Variants in GPSM2 observed in about 807,000 individuals in gnomAD.
The protein encoded by GPSM2 is G protein signaling modulator 2.
A neutral mutation model predicts 78.4 loss-of-function variants in GPSM2; 58 were observed. That is an observed-to-expected ratio of 0.74 (90% confidence interval 0.60 to 0.92). The LOEUF is 0.92. Ranked by LOEUF, GPSM2 falls within the 40% of genes least tolerant of loss-of-function variation. The pLI is 0.00. For missense variants in GPSM2, 700 were observed against 815.5 expected, an observed-to-expected ratio of 0.86 and a Z score of 1.73; for synonymous variants, 224 against 280.2, an observed-to-expected ratio of 0.80 and a Z score of 2.00.
intron 10 of GPSM2, among the ~76,000 whole-genome samples, chr1:108,908,436 C>G (rs1649429336): frequency 6.6e-6 from 1 of 152,022 alleles, no homozygotes; most frequent in Admixed American, 6.5e-5. Flanking sequence ...GTAATCCCAG[C>G]ACTTTGGGAA....
intron 13 of GPSM2, among the ~76,000 whole-genome samples, chr1:108,923,405 G>A (rs921828408): frequency 6.6e-6 from 1 of 152,090 alleles, no homozygotes; most frequent in South Asian, 2.1e-4. Flanking sequence ...TATATAAAAC[G>A]TCAATGCTTC....
At position 108,885,440 on chromosome 1, in the gene GPSM2, T is replaced by C. The variant is rs1647456300; in HGVS notation, c.-83T>C. Reference sequence around the variant, plus strand: ...CATTAATATACTAACCGGACAATGTTCTACAAACAATTCTACATTGTAAAG... The same window carrying C: ...CATTAATATACTAACCGGACAATGTCCTACAAACAATTCTACATTGTAAAG... On this transcript the variant is annotated 5_prime_UTR_variant, in exon 2 of 15. Transcript: ENST00000264126. 34 of 799,482 alleles carry C rather than the reference T, an allele frequency of 4.3e-5. No individual in the cohort carries two copies. The South Asian group carries it at 5.0e-4, about 12-fold the overall frequency. 49.5% of individuals were successfully genotyped at this position (799,482 alleles called of 1,614,324 possible).
chr1:108,877,574 T>A (rs2101274329), intron 1 of GPSM2: 1 of 151,850 alleles, frequency 6.6e-6, no homozygotes, highest in Middle Eastern at 3.4e-3. Flanking sequence ...CCACTCTGAA[T>A]GTGAGTAACA....
intron 5 of GPSM2, 40 bp from the exon 6 acceptor site, chr1:108,898,574 ATATGTAAATCACATACATAAAATTGTTC>A: frequency 7.0e-7 from 1 of 1,420,194 alleles, no homozygotes; most frequent in Non-Finnish European, 9.9e-7. Flanking sequence ...AAAGAATTAG[ATATGTAAATCACATACATAAAATTGTTC>A]TGCAAACTTA....
In GPSM2 at chr1:108,888,948, A is replaced by T. The variant is rs575302172; in HGVS notation, c.56+3370A>T. Among the ~76,000 whole-genome samples the T allele has an allele frequency of 4.0e-4, 61 of 152,346 alleles. 1 individual carries two copies. Among genetic ancestry groups the T allele is most frequent in the Middle Eastern group, 3.4e-3 (1 of 294 alleles). On this transcript the variant is annotated intron_variant, in intron 2 of 14. Coordinates refer to ENST00000264126, the MANE Select transcript of GPSM2 (RefSeq NM_013296.5). ...ACGAAATGCTGCCATCCTACCCTTTACATAAATTTCCAGAAACCTGGGAAT... is the reference window on the plus strand; with the variant it reads ...ACGAAATGCTGCCATCCTACCCTTTTCATAAATTTCCAGAAACCTGGGAAT...
chr1:108,911,848 C>CA (rs1340817189), intron 10 of GPSM2, among the ~76,000 whole-genome samples: 2 of 145,116 alleles, frequency 1.4e-5, no homozygotes, highest in East Asian at 4.0e-4. Flanking sequence ...ACTCTGTCAC[C>CA]AGGCGGAACT....
chr1:108,898,260 A>T (rs924389420), intron 5 of GPSM2, among the ~76,000 whole-genome samples, 159 bp downstream of exon 5: 1 of 152,250 alleles, frequency 6.6e-6, no homozygotes, highest in African/African-American at 2.4e-5. Flanking sequence ...ACAGTGTTAT[A>T]TTAGTAGTAA....
intron 14 of GPSM2, among the ~76,000 whole-genome samples, chr1:108,925,001 T>C (rs1399933078): frequency 6.6e-6 from 1 of 151,972 alleles, no homozygotes; most frequent in African/African-American, 2.4e-5. Context: ...TGGACTAGAG[T>C]GGTAACAGTG....
At chr1:108,919,666 C>G (rs1650551555) in intron 12 of GPSM2, among the ~76,000 whole-genome samples, 1 of 151,838 alleles carries the variant, frequency 6.6e-6, no homozygotes, top group South Asian at 2.1e-4. Flanking sequence ...GATCATGCCA[C>G]TACACTCCAG....
intron 1 of GPSM2, among the ~76,000 whole-genome samples, chr1:108,884,991 A>G (rs537281491): frequency 6.6e-6 from 1 of 152,202 alleles, no homozygotes; most frequent in Non-Finnish European, 1.5e-5. Flanking sequence ...TTGTTTTTAG[A>G]TGCTAATATG....
intron 2 of GPSM2, among the ~76,000 whole-genome samples, chr1:108,887,765 C>T (rs982751285): frequency 1.3e-5 from 2 of 152,160 alleles, no homozygotes; most frequent in African/African-American, 4.8e-5. Flanking sequence ...TGCAGCCTAC[C>T]CCCATCCGTG....
chr1:108,907,462 T>A (rs895039711), intron 10 of GPSM2, among the ~76,000 whole-genome samples: 2 of 152,028 alleles, frequency 1.3e-5, no homozygotes, highest in African/African-American at 4.8e-5. Context: ...ACAAAAAAAT[T>A]ACCAAATATG....
At chr1:108,927,756 G>A (rs1651234248) in intron 14 of GPSM2, among the ~76,000 whole-genome samples, 1 of 152,156 alleles carries the variant, frequency 6.6e-6, no homozygotes, top group South Asian at 2.1e-4. Flanking sequence ...GATTGCTTGA[G>A]CCCAGGAGTT....
intron 12 of GPSM2, among the ~76,000 whole-genome samples, chr1:108,922,023 A>G (rs768784141): frequency 2.6e-5 from 4 of 151,120 alleles, no homozygotes; most frequent in Non-Finnish European, 5.9e-5. Flanking sequence ...AGACCTTAGA[A>G]ATCACTATGG....
At chr1:108,903,084 T>A (rs9662782) in intron 8 of GPSM2, 42 bp from the exon 9 acceptor site, 7 of 1,172,096 alleles carry the variant, frequency 6.0e-6, no homozygotes, top group Non-Finnish European at 9.0e-6. Flanking sequence ...ACATAGGACC[T>A]CTTTTCAAAT....
intron 10 of GPSM2, among the ~76,000 whole-genome samples, chr1:108,909,260 C>A (rs919100486): frequency 3.3e-5 from 5 of 152,096 alleles, no homozygotes; most frequent in Admixed American, 3.3e-4. Flanking sequence ...AAAGTGAAAA[C>A]CACTGCTTTA....
chr1:108,899,004 A>G lies in GPSM2; in HGVS notation c.797+10A>G, dbSNP rs899876063. 1.5e-6 allele frequency: 2 copies of G among 1,370,190 alleles called. No homozygotes were observed. The highest frequency in any genetic ancestry group is 2.0e-4 in the Middle Eastern group (1 of 4,940). 84.9% of individuals were successfully genotyped at this position (1,370,190 alleles called of 1,614,324 possible). On this transcript the variant is annotated intron_variant, in intron 7 of 14. Transcript: ENST00000264126. ...CCTCGGAATACTACAAGTTAGTCTAATATTTCTGTAGATAAATGTAAAATG... is the reference window on the plus strand; with the variant it reads ...CCTCGGAATACTACAAGTTAGTCTAGTATTTCTGTAGATAAATGTAAAATG...
intron 2 of GPSM2, among the ~76,000 whole-genome samples, chr1:108,890,880 TAA>T (rs142409735): frequency 6.6e-6 from 1 of 151,630 alleles, no homozygotes; most frequent in African/African-American, 2.4e-5. Flanking sequence ...CAATTTAAGT[TAA>T]AAAAAAATTA....
In GPSM2 at chr1:108,885,409, C is replaced by T. The variant is rs1336101851; in HGVS notation, c.-114C>T. The T allele has an allele frequency of 1.5e-6, 1 of 654,854 alleles. No individual in the cohort carries two copies. The highest frequency in any genetic ancestry group is 2.6e-5 in the East Asian group (1 of 38,372). 40.6% of individuals were successfully genotyped at this position (654,854 alleles called of 1,614,324 possible). ...ATCAGGAGCTTAGGATGTATTAACA[C>T]CAACTCATTAATATACTAACCGGAC... On this transcript the variant is annotated 5_prime_UTR_variant, in exon 2 of 15. Transcript: ENST00000264126.
Sources: allele counts gnomAD v4.1 joint callset (sites outside exome capture counted in the v4.1 genomes callset), GRCh38; gene constraint gnomAD v4.1.1; transcripts MANE v1.5; gene names NCBI Gene and HGNC (gene_info 2026-07-23, HGNC 2026-07-21).